CDH12: variants seen among roughly 807,000 people sequenced by gnomAD.
The protein encoded by CDH12 is cadherin 12.
Under a neutral mutation model 74.1 loss-of-function variants are expected in CDH12, and 41 were observed. The ratio of observed to expected loss-of-function variants is 0.55; its 90% CI spans 0.43 to 0.72. The LOEUF is 0.72. Among genes scored for constraint, CDH12 ranks in the 30% least tolerant of loss-of-function variants. CDH12 has a pLI of 0.00. For synonymous variants in CDH12, 399 were observed against 355.0 expected, an observed-to-expected ratio of 1.12 and a Z score of -1.39; for missense variants, 945 against 977.2, an observed-to-expected ratio of 0.97 and a Z score of 0.44.
intron 5 of CDH12, among the ~76,000 whole-genome samples, chr5:21,979,682 C>T (rs1219350981): frequency 6.6e-6 from 1 of 151,950 alleles, no homozygotes; most frequent in Non-Finnish European, 1.5e-5. Context: ...TTGTCATTTG[C>T]CAGCCTGGGG....
chr5:22,480,711 G>A (rs915657999), intron 2 of CDH12, among the ~76,000 whole-genome samples: 2 of 152,106 alleles, frequency 1.3e-5, no homozygotes, highest in Non-Finnish European at 2.9e-5. Flanking sequence ...AGTTTCCAAA[G>A]GTGTTGCCGA....
At chr5:22,063,842 G>A (rs913149215) in intron 5 of CDH12, among the ~76,000 whole-genome samples, 5 of 152,016 alleles carry the variant, frequency 3.3e-5, no homozygotes, top group Admixed American at 6.6e-5. Context: ...TTCTGCCAGC[G>A]TACTGCCTTT....
At chr5:22,057,999 T>TTCTATCTA (rs79909356) in intron 5 of CDH12, among the ~76,000 whole-genome samples, 3,699 of 149,340 alleles carry the variant, frequency 0.025, 57 homozygotes, top group East Asian at 0.042. Flanking sequence ...TTTCCTTGTA[T>TTCTATCTA]TCTATCTATC....
chr5:22,179,201 C>G (rs912128662), intron 4 of CDH12, among the ~76,000 whole-genome samples: 1 of 152,146 alleles, frequency 6.6e-6, no homozygotes, highest in African/African-American at 2.4e-5. Context: ...CAGAATTCAT[C>G]TATGTACATG....
chr5:22,590,916 C>T (rs189836163), intron 1 of CDH12, among the ~76,000 whole-genome samples: 10 of 152,140 alleles, frequency 6.6e-5, no homozygotes, highest in East Asian at 1.9e-4. Context: ...ATGCTATTGG[C>T]GGCTTGTCCT....
chr5:22,218,921 C>A (rs115221834), intron 3 of CDH12, among the ~76,000 whole-genome samples: 3,860 of 151,644 alleles, frequency 0.025, 72 homozygotes, highest in African/African-American at 0.052. Context: ...TATTTCTAAC[C>A]GTTTCTTAAA....
chr5:22,121,458 T>C (rs574647904), intron 4 of CDH12, among the ~76,000 whole-genome samples: 1 of 152,308 alleles, frequency 6.6e-6, no homozygotes, highest in East Asian at 1.9e-4. Flanking sequence ...GACATGCAGT[T>C]CATGCTGCCT....
chr5:22,717,319 T>C (rs1743630909), intron 1 of CDH12, among the ~76,000 whole-genome samples: 1 of 152,174 alleles, frequency 6.6e-6, no homozygotes, highest in Non-Finnish European at 1.5e-5. Flanking sequence ...TTACCATGTG[T>C]TACAGTTGCC....
At position 22,322,066 on chromosome 5, in the gene CDH12, G is replaced by A. The variant is rs150575914; in HGVS notation, c.-333+83191C>T. ...CTCAGAATATCATTTTAATGAGTGC[G>A]ACTTTCCTGACTGTAACCACACATT... On this transcript the variant is annotated intron_variant, in intron 3 of 14. Coordinates refer to ENST00000382254, the MANE Select transcript of CDH12 (RefSeq NM_004061.5). 5.9e-3 allele frequency among the ~76,000 whole-genome samples: 895 copies of A among 152,226 alleles called. 4 individuals carry two copies. The highest frequency in any genetic ancestry group is 0.017 in the Middle Eastern group (5 of 294).
intron 5 of CDH12, among the ~76,000 whole-genome samples, chr5:22,023,494 T>C (rs1738132440): frequency 6.6e-6 from 1 of 152,044 alleles, no homozygotes; most frequent in African/African-American, 2.4e-5. Context: ...TATTTATCTG[T>C]CTATTATCTA....
chr5:22,027,460 G>C (rs1253224074), intron 5 of CDH12, among the ~76,000 whole-genome samples: 1 of 152,086 alleles, frequency 6.6e-6, no homozygotes, highest in African/African-American at 2.4e-5. Context: ...CTTTTTGGTT[G>C]GTAAGCTATT....
At chr5:22,496,750 G>C (rs1252199003) in intron 2 of CDH12, among the ~76,000 whole-genome samples, 1 of 152,040 alleles carries the variant, frequency 6.6e-6, no homozygotes, top group Non-Finnish European at 1.5e-5. Context: ...CAGTTGAAAG[G>C]CTTCCTTCAT....
At chr5:22,125,786 T>A (rs1745821497) in intron 4 of CDH12, among the ~76,000 whole-genome samples, 1 of 152,156 alleles carries the variant, frequency 6.6e-6, no homozygotes, top group African/African-American at 2.4e-5. Flanking sequence ...AAGAACACCA[T>A]TGAGGTTTTT....
chr5:21,922,743 A>C (rs1754408564), intron 6 of CDH12, among the ~76,000 whole-genome samples: 3 of 152,036 alleles, frequency 2.0e-5, no homozygotes, highest in Admixed American at 6.5e-5. Flanking sequence ...TTAAAGATCC[A>C]CTTATGGGCT....
At chr5:22,329,704 A>G (rs1739267404) in intron 3 of CDH12, among the ~76,000 whole-genome samples, 1 of 152,168 alleles carries the variant, frequency 6.6e-6, no homozygotes, top group African/African-American at 2.4e-5. Context: ...TGTGCACTTT[A>G]GAGAGAGAGA....
At chr5:22,247,546 G>C (rs7713605) in intron 3 of CDH12, among the ~76,000 whole-genome samples, 1 of 151,984 alleles carries the variant, frequency 6.6e-6, no homozygotes, top group African/African-American at 2.4e-5. Context: ...ATGGTGGCGC[G>C]TGCCTGTAGT....
chr5:21,832,627 C>T (rs1749086315), intron 8 of CDH12, among the ~76,000 whole-genome samples: 1 of 150,216 alleles, frequency 6.7e-6, no homozygotes, highest in South Asian at 2.1e-4. Context: ...CCCAAATATA[C>T]CTGTAGGAAT....
intron 1 of CDH12, among the ~76,000 whole-genome samples, chr5:22,765,520 T>C (rs530869982): frequency 6.6e-6 from 1 of 152,144 alleles, no homozygotes; most frequent in East Asian, 1.9e-4. Flanking sequence ...CTCTTACTAG[T>C]ATCTTCCAGT....
intron 1 of CDH12, among the ~76,000 whole-genome samples, chr5:22,706,483 A>G (rs1310544453): frequency 6.6e-6 from 1 of 152,002 alleles, no homozygotes; most frequent in Non-Finnish European, 1.5e-5. Flanking sequence ...GGTATGTTAC[A>G]TTTATTTTTA....
Sources: gnomAD v4.1 joint callset for allele counts (sites outside exome capture counted in the v4.1 genomes callset) on GRCh38, gnomAD v4.1.1 for gene constraint, MANE v1.5 for transcripts, NCBI Gene and HGNC (gene_info 2026-07-23, HGNC 2026-07-21) for gene names.